Variants in DLG2 observed in about 807,000 individuals in gnomAD.
The protein encoded by DLG2 is discs large MAGUK scaffold protein 2.
In DLG2, 45 loss-of-function variants were observed where a neutral mutation model predicts 132.5. That is an observed-to-expected ratio of 0.34 (90% confidence interval 0.27 to 0.44). The LOEUF (loss-of-function observed/expected upper bound fraction) is 0.44, where lower values mean the gene tolerates loss of function less well. Among genes scored for constraint, DLG2 ranks in the 20% least tolerant of loss-of-function variants. The pLI is 1.00. For missense variants in DLG2, 1,045 were observed against 1,196.9 expected (o/e 0.87, Z 1.87); for synonymous variants, 424 against 419.6 (o/e 1.01, Z -0.13).
intron 6 of DLG2, chr11:84,955,374 TG>T (rs1314790379): frequency 6.6e-6 from 1 of 152,190 alleles, no homozygotes; most frequent in Non-Finnish European, 1.5e-5. Context: ...ATTAAGTAAC[TG>T]GCCCAAGATT....
At chr11:84,525,108 G>A (rs988355172) in intron 7 of DLG2, among the ~76,000 whole-genome samples, 3 of 152,036 alleles carry the variant, frequency 2.0e-5, no homozygotes, top group Non-Finnish European at 2.9e-5. Flanking sequence ...ATATGGTGGT[G>A]GTGGACCTGT....
intron 10 of DLG2, among the ~76,000 whole-genome samples, chr11:84,088,862 C>T (rs563096801): frequency 1.3e-5 from 2 of 152,294 alleles, no homozygotes; most frequent in East Asian, 3.9e-4. Flanking sequence ...TAAAGTCTCC[C>T]TTCTCATGAA....
intron 6 of DLG2, among the ~76,000 whole-genome samples, chr11:84,655,730 T>C (rs954282631): frequency 6.8e-6 from 1 of 146,136 alleles, no homozygotes; most frequent in Non-Finnish European, 1.5e-5. Context: ...CTTTGTTTTT[T>C]TTTGTTTGTT....
At chr11:83,582,486 A>G (rs1281981821) in intron 19 of DLG2, among the ~76,000 whole-genome samples, 8 of 152,188 alleles carry the variant, frequency 5.3e-5, no homozygotes. Context: ...TGGGGATGCA[A>G]TTATGAATTA....
chr11:83,548,312 T>C (rs1471346443), intron 19 of DLG2, among the ~76,000 whole-genome samples: 2 of 152,110 alleles, frequency 1.3e-5, no homozygotes, highest in African/African-American at 4.8e-5. Flanking sequence ...CTAGATTATG[T>C]GGGTGGGCCC....
intron 7 of DLG2, among the ~76,000 whole-genome samples, chr11:84,407,927 T>C (rs2098865748): frequency 6.6e-6 from 1 of 152,214 alleles, no homozygotes; most frequent in Non-Finnish European, 1.5e-5. Flanking sequence ...TAGAATCACT[T>C]GTAGCTATCT....
chr11:83,513,101 A>G (rs895646769), intron 21 of DLG2, among the ~76,000 whole-genome samples: 1 of 152,202 alleles, frequency 6.6e-6, no homozygotes, highest in African/African-American at 2.4e-5. Flanking sequence ...CCTGAGGAAT[A>G]GCCACACTGT....
At chr11:84,642,972 T>G (rs1157321857) in intron 6 of DLG2, among the ~76,000 whole-genome samples, 3 of 152,228 alleles carry the variant, frequency 2.0e-5, no homozygotes, top group African/African-American at 7.2e-5. Flanking sequence ...ATTTTTTCCT[T>G]ACCAGTATTT....
chr11:84,889,801 T>C (rs1326064829), intron 6 of DLG2, among the ~76,000 whole-genome samples: 1 of 152,194 alleles, frequency 6.6e-6, no homozygotes, highest in East Asian at 1.9e-4. Context: ...TACATCTATC[T>C]CCTTTGTTTT....
chr11:84,266,278 GC>G (rs2097632526), intron 7 of DLG2, among the ~76,000 whole-genome samples: 1 of 152,118 alleles, frequency 6.6e-6, no homozygotes, highest in Admixed American at 6.6e-5. Flanking sequence ...GCAGGCTCTT[GC>G]TTTTTTGTTA....
chr11:85,557,708 G>A (rs1397353659), intron 3 of DLG2, among the ~76,000 whole-genome samples: 1 of 151,790 alleles, frequency 6.6e-6, no homozygotes, highest in Admixed American at 6.6e-5. Flanking sequence ...AATGGAGAAA[G>A]GACTTCCTAT....
chr11:84,932,238 T>C (rs1277453299), intron 6 of DLG2, among the ~76,000 whole-genome samples: 1 of 152,138 alleles, frequency 6.6e-6, no homozygotes, highest in Non-Finnish European at 1.5e-5. Context: ...CTTCCAGGGT[T>C]TTTATAATTT....
At chr11:83,679,403 T>C (rs888202624) in intron 18 of DLG2, among the ~76,000 whole-genome samples, 1 of 152,198 alleles carries the variant, frequency 6.6e-6, no homozygotes, top group Non-Finnish European at 1.5e-5. Flanking sequence ...TATGATATGT[T>C]ATTTGGCATC....
intron 6 of DLG2, among the ~76,000 whole-genome samples, chr11:85,007,647 A>G (rs1340281451): frequency 7.8e-6 from 1 of 128,660 alleles, no homozygotes; most frequent in Non-Finnish European, 1.6e-5. Context: ...CCTGGGTGAC[A>G]GAGCAAGACT....
chr11:85,487,742 T>A (rs2093462333), intron 3 of DLG2, among the ~76,000 whole-genome samples: 1 of 152,096 alleles, frequency 6.6e-6, no homozygotes, highest in Admixed American at 6.5e-5. Flanking sequence ...TCAAAAGACT[T>A]AGAAAAAATA....
At chr11:83,964,072 A>G (rs1032946439) in intron 13 of DLG2, among the ~76,000 whole-genome samples, 1 of 151,942 alleles carries the variant, frequency 6.6e-6, no homozygotes. Context: ...GAAGGCCATG[A>G]TTCTATCTCC....
chr11:83,684,023 A>C (rs955985843), intron 18 of DLG2, among the ~76,000 whole-genome samples: 1 of 152,098 alleles, frequency 6.6e-6, no homozygotes, highest in Non-Finnish European at 1.5e-5. Flanking sequence ...CTGTGAGACC[A>C]TCTTGGCTTC....
chr11:84,169,028 G>C (rs2095748547), intron 8 of DLG2, among the ~76,000 whole-genome samples: 1 of 152,260 alleles, frequency 6.6e-6, no homozygotes, highest in Admixed American at 6.5e-5. Context: ...AGTAAGAAAA[G>C]ACAGATTTGA....
At chr11:85,245,920 T>C (rs916031150) in intron 4 of DLG2, among the ~76,000 whole-genome samples, 2 of 152,012 alleles carry the variant, frequency 1.3e-5, no homozygotes, top group Non-Finnish European at 2.9e-5. Context: ...AAAATCCACA[T>C]AGGTAATTCC....
Sources: gnomAD v4.1 joint callset for allele counts (sites outside exome capture counted in the v4.1 genomes callset) on GRCh38, gnomAD v4.1.1 for gene constraint, MANE v1.5 for transcripts, NCBI Gene and HGNC (gene_info 2026-07-23, HGNC 2026-07-21) for gene names.